ATP2C1: variants seen among roughly 807,000 people sequenced by gnomAD.
ATP2C1 encodes the protein ATPase secretory pathway Ca2+ transporting 1.
Under a neutral mutation model 120.5 loss-of-function variants are expected in ATP2C1, and 31 were observed. That is an observed-to-expected ratio of 0.26 (90% confidence interval 0.19 to 0.35). ATP2C1 has a LOEUF of 0.35. Among genes scored for constraint, ATP2C1 ranks in the 10% least tolerant of loss-of-function variants. The pLI, the probability that ATP2C1 is intolerant of heterozygous loss-of-function variation, is 1.00. For synonymous variants in ATP2C1, 351 were observed against 358.7 expected (o/e 0.98, Z 0.24); for missense variants, 731 against 1,107.5 (o/e 0.66, Z 4.83).
At chr3:131,011,276 G>T (rs2063307421) in intron 26 of ATP2C1, among the ~76,000 whole-genome samples, 1 of 152,160 alleles carries the variant, frequency 6.6e-6, no homozygotes, top group Non-Finnish European at 1.5e-5. Context: ...TTAAAAAATA[G>T]ACTTCCAGTA....
chr3:130,989,101 A>T (rs2062168732), intron 20 of ATP2C1, among the ~76,000 whole-genome samples: 1 of 152,036 alleles, frequency 6.6e-6, no homozygotes, highest in African/African-American at 2.4e-5. Context: ...AAATACAAAA[A>T]GTAGCTGGGT....
intron 8 of ATP2C1, among the ~76,000 whole-genome samples, chr3:130,945,088 G>A (rs2060085894): frequency 6.6e-6 from 1 of 152,138 alleles, no homozygotes; most frequent in South Asian, 2.1e-4. Context: ...ACAGAGGGAG[G>A]ACTATAGTTG....
chr3:130,904,377 CT>C (rs2058029676), intron 2 of ATP2C1, among the ~76,000 whole-genome samples: 1 of 151,764 alleles, frequency 6.6e-6, no homozygotes, highest in African/African-American at 2.4e-5. Context: ...ATAAATGTTA[CT>C]GACACTTTTG....
rs767756054 is a variant in ATP2C1, at chr3:130,964,102, C to G, written c.1024+7C>G. ...CCTATTGTTGAAACTCTGGGTAAGT[C>G]TGTGTTAAGAGCATTCTTATGCAAT... On this transcript the variant is annotated splice_region_variant and intron_variant, in intron 13 of 27. Transcript: ENST00000510168. 2 of 1,611,668 alleles carry G rather than the reference C, an allele frequency of 1.2e-6. No individual in the cohort carries two copies. Among genetic ancestry groups the G allele is most frequent in the Non-Finnish European group, 1.7e-6 (2 of 1,178,226 alleles).
At chr3:130,999,449 A>G in intron 26 of ATP2C1, 69 bp from the exon 27 acceptor site, 1 of 1,503,832 alleles carries the variant, frequency 6.6e-7, no homozygotes, top group Non-Finnish European at 9.2e-7. Context: ...AAAAATTAGA[A>G]GTGAATATAA....
intron 18 of ATP2C1, 102 bp downstream of exon 18, chr3:130,975,590 A>G: frequency 1.5e-6 from 2 of 1,325,746 alleles, no homozygotes; most frequent in Non-Finnish European, 2.1e-6. Context: ...ACTCACTTCC[A>G]GGATTTGTAG....
chr3:130,893,122 T>G (rs1163230551), upstream of ATP2C1, among the ~76,000 whole-genome samples: 1 of 152,218 alleles, frequency 6.6e-6, no homozygotes, highest in Non-Finnish European at 1.5e-5. Context: ...ATTATATGTC[T>G]GGCTCACCAC....
Position 130,996,056 on chromosome 3 carries a change from G to C in ATP2C1, c.2071G>C (p.Glu691Gln). 1 of 1,603,310 alleles carries C rather than the reference G, an allele frequency of 6.2e-7. No individual in the cohort carries two copies. The highest frequency in any genetic ancestry group is 2.2e-5 in the East Asian group (1 of 44,766). ...TTTAAATTTCAGGTCTGCAATCGAAGAGGGTAAAGGGATTTATAATAACAT... is the reference window on the plus strand; with the variant it reads ...TTTAAATTTCAGGTCTGCAATCGAACAGGGTAAAGGGATTTATAATAACAT... ...DFQTIMSAIE[E>Q]GKGIYNNIKN... Residue 691 changes from glutamate (E) to glutamine (Q), a missense_variant, in exon 23 of 28, where the codon GAG (glutamate) becomes CAG (glutamine). By Grantham distance (29) the Glu-to-Gln change is conservative (BLOSUM62 2). Coordinates refer to ENST00000510168, the MANE Select transcript of ATP2C1 (RefSeq NM_001378687.1).
intron 8 of ATP2C1, among the ~76,000 whole-genome samples, chr3:130,944,596 A>G (rs964003422): frequency 5.9e-5 from 9 of 152,306 alleles, no homozygotes; most frequent in African/African-American, 2.2e-4. Flanking sequence ...CCCCATCTCC[A>G]AATACTATAA....
In ATP2C1 at chr3:130,980,345, A is replaced by G. The variant is rs137972580; in HGVS notation, c.1742-237A>G. Reference sequence around the variant, plus strand: ...AAGTGATCCTGTAGCCCCAAAGTGCAGAGATTACAAGCCTGAGCCACCGTG... The same window carrying G: ...AAGTGATCCTGTAGCCCCAAAGTGCGGAGATTACAAGCCTGAGCCACCGTG... On this transcript the variant is annotated intron_variant, in intron 19 of 27. Transcript: ENST00000510168. Among the ~76,000 whole-genome samples, 753 of 151,868 alleles carry G rather than the reference A, an allele frequency of 5.0e-3. 8 individuals are homozygous for G. Among genetic ancestry groups the G allele is most frequent in the African/African-American group, 0.017 (702 of 41,412 alleles).
chr3:130,865,790 A>G (rs2068157890), intron 1 of ATP2C1, among the ~76,000 whole-genome samples: 1 of 152,202 alleles, frequency 6.6e-6, no homozygotes, highest in South Asian at 2.1e-4. Flanking sequence ...TGTAAGTCCA[A>G]TTAAACCTCT....
At chr3:130,922,811 T>C (rs1362238793) in intron 2 of ATP2C1, among the ~76,000 whole-genome samples, 1 of 152,242 alleles carries the variant, frequency 6.6e-6, no homozygotes, top group Admixed American at 6.5e-5. Context: ...TCCACTGTGG[T>C]CAGAGAGGAT....
At chr3:130,939,637 T>G (rs926366213) in intron 6 of ATP2C1, among the ~76,000 whole-genome samples, 13 of 152,216 alleles carry the variant, frequency 8.5e-5, no homozygotes, top group Non-Finnish European at 1.3e-4. Context: ...ACAGAATTTT[T>G]GGGTAAACTT....
Position 130,894,149 on chromosome 3 carries a change from T to TGCCCCCCC in ATP2C1, c.-369_-368insGCCCCCCC. 2.2e-5 allele frequency: 15 copies of TGCCCCCCC among 694,844 alleles called. No individual in the cohort carries two copies. Among genetic ancestry groups the TGCCCCCCC allele is most frequent in the Non-Finnish European group, 2.5e-5 (14 of 565,198 alleles). The allele number at this position is 694,844 out of a possible 1,614,324, so 43.0% of individuals were successfully genotyped here. ...ACGGGTCCCCTCACCTCCTCTTCTC[T>TGCCCCCCC]CCCCTCCCCGCCCGCCCTCTCTCCC... On this transcript the variant is annotated 5_prime_UTR_variant, in exon 1 of 28. Coordinates refer to ENST00000510168, the MANE Select transcript of ATP2C1 (RefSeq NM_001378687.1). This position sits in a 1 kb window ranked among gnomAD's most constrained non-coding sequence, Gnocchi z 4.5.
chr3:130,987,229 C>G (rs1356331779), intron 20 of ATP2C1, among the ~76,000 whole-genome samples: 2 of 152,130 alleles, frequency 1.3e-5, no homozygotes, highest in African/African-American at 4.8e-5. Context: ...AACTTCTGGG[C>G]TCAAGTGATC....
intron 6 of ATP2C1, among the ~76,000 whole-genome samples, chr3:130,939,461 TTTA>T (rs1375703428): frequency 2.0e-5 from 3 of 152,294 alleles, no homozygotes; most frequent in Admixed American, 1.3e-4. Flanking sequence ...CTTTTAGGCA[TTTA>T]TTAGGTTTTA....
chr3:130,976,650 G>C (rs1439794200), intron 18 of ATP2C1, among the ~76,000 whole-genome samples: 2 of 152,112 alleles, frequency 1.3e-5, no homozygotes, highest in Non-Finnish European at 2.9e-5. Flanking sequence ...TAGAGTTTCT[G>C]GGGTTTCATC....
intron 1 of ATP2C1, among the ~76,000 whole-genome samples, chr3:130,858,454 T>C (rs1287978756): frequency 6.6e-6 from 1 of 152,202 alleles, no homozygotes; most frequent in African/African-American, 2.4e-5. Context: ...CAATATTAAC[T>C]CCTTTAGAGC....
At chr3:130,878,502 G>T (rs746756444) in intron 1 of ATP2C1, among the ~76,000 whole-genome samples, 7 of 152,098 alleles carry the variant, frequency 4.6e-5, no homozygotes, top group Admixed American at 3.3e-4. Flanking sequence ...ACTATTGTGT[G>T]TTTTCTTGAT....
Sources: gnomAD v4.1 joint callset for allele counts (sites outside exome capture counted in the v4.1 genomes callset) on GRCh38, gnomAD v4.1.1 for gene constraint, Gnocchi (gnomAD v3.1) non-coding constraint, MANE v1.5 for transcripts, NCBI Gene and HGNC (gene_info 2026-07-23, HGNC 2026-07-21) for gene names.